The following RBFOX3 variants were observed in gnomAD, a reference collection of about 807,000 sequenced individuals.
RBFOX3 encodes RNA binding fox-1 homolog 3, also known as RNA binding protein fox-1 homolog 3.
A neutral mutation model predicts 48.7 loss-of-function variants in RBFOX3; 17 were observed. That is an observed-to-expected ratio of 0.35 (90% CI 0.24 to 0.52). The LOEUF (loss-of-function observed/expected upper bound fraction) is 0.52. Among genes scored for constraint, RBFOX3 ranks in the 20% least tolerant of loss-of-function variants. The pLI is 0.94. For synonymous variants in RBFOX3, 212 were observed against 209.5 expected (o/e 1.01, Z -0.10); for missense variants, 382 against 497.5 (o/e 0.77, Z 2.21).
At chr17:79,483,370 C>G (rs369078107) in intron 1 of RBFOX3, among the ~76,000 whole-genome samples, 1 of 151,570 alleles carries the variant, frequency 6.6e-6, no homozygotes, top group Non-Finnish European at 1.5e-5. Flanking sequence ...CATGCCTCCC[C>G]GACCCCACCC....
intron 1 of RBFOX3, among the ~76,000 whole-genome samples, chr17:79,602,232 C>T (rs1010130548): frequency 2.6e-5 from 4 of 152,254 alleles, no homozygotes; most frequent in Non-Finnish European, 5.9e-5. Context: ...CCCTCCCGCC[C>T]TTTGGCCATC....
chr17:79,342,120 G>A (rs934455942), intron 2 of RBFOX3, among the ~76,000 whole-genome samples: 3 of 152,196 alleles, frequency 2.0e-5, no homozygotes, highest in Admixed American at 6.5e-5. Flanking sequence ...GGTGCAGCTC[G>A]TGTTTAGGGC....
rs1456815875 is a variant in RBFOX3, at chr17:79,097,401, T to C, written c.646A>G (p.Thr216Ala). ...YAVTGFPYPT[T>A]GTAVAYRGAH... The stretch of plus-strand genomic sequence containing the variant: ...CCCCGGTAGGCAACGGCTGTGCCGG[T>C]GGTGGGGTAGGGGAACCCCGTCACT... The change falls in exon 11 of 15, where the codon ACC becomes GCC. Residue 216 changes from threonine to alanine, a missense_variant. By Grantham distance (58) the Thr-to-Ala change is moderately conservative. Coordinates refer to ENST00000693108, the MANE Select transcript of RBFOX3 (RefSeq NM_001350451.2). 19 of 1,546,628 alleles carry C rather than the reference T, an allele frequency of 1.2e-5. No individual in the cohort carries two copies. Among genetic ancestry groups the C allele is most frequent in the Non-Finnish European group, 1.7e-5 (19 of 1,145,462 alleles).
intron 2 of RBFOX3, among the ~76,000 whole-genome samples, chr17:79,466,852 C>A (rs1241572707): frequency 6.6e-6 from 1 of 152,044 alleles, no homozygotes; most frequent in African/African-American, 2.4e-5. Context: ...GGTCTCCCCA[C>A]CTAGGGCAGC....
At chr17:79,185,441 C>T (rs559400652) in intron 4 of RBFOX3, among the ~76,000 whole-genome samples, 163 of 152,294 alleles carry the variant, frequency 1.1e-3, no homozygotes, top group African/African-American at 3.8e-3. Context: ...ACCTGAGCCT[C>T]GCAGAAGGGC....
At chr17:79,580,503 G>T (rs929492680) in intron 1 of RBFOX3, among the ~76,000 whole-genome samples, 2 of 152,122 alleles carry the variant, frequency 1.3e-5, no homozygotes, top group Non-Finnish European at 2.9e-5. Context: ...ATAGACGACT[G>T]TTCAGCGGTG....
chr17:79,192,527 G>T (rs748828827), intron 4 of RBFOX3, among the ~76,000 whole-genome samples: 2 of 152,190 alleles, frequency 1.3e-5, no homozygotes, highest in Admixed American at 6.5e-5. Flanking sequence ...ATTTCTTATT[G>T]CTGCTGCTGC....
At chr17:79,469,543 C>T (rs2076798721) in intron 2 of RBFOX3, among the ~76,000 whole-genome samples, 1 of 152,208 alleles carries the variant, frequency 6.6e-6, no homozygotes. Flanking sequence ...CAGCTGACCA[C>T]CTGCTCGCAC....
Position 79,404,014 on chromosome 17 carries a change from G to T in RBFOX3, c.-175+78440C>A, listed in dbSNP as rs116524318. ...AGGATGGTCTTGATCTCCTGACCTC[G>T]TGATGCACCCATCTTGGCCTCCCAA... On this transcript the variant is annotated intron_variant, in intron 2 of 14. Coordinates refer to ENST00000693108, the MANE Select transcript of RBFOX3 (RefSeq NM_001350451.2). 6.2e-3 allele frequency among the ~76,000 whole-genome samples: 948 copies of T among 152,146 alleles called. 12 individuals carry two copies. The highest frequency in any genetic ancestry group is 0.022 in the African/African-American group (916 of 41,512).
At chr17:79,131,004 G>GTGTGTGAGCATGTGTGCCCCA (rs1315594902) in intron 4 of RBFOX3, among the ~76,000 whole-genome samples, 1 of 152,066 alleles carries the variant, frequency 6.6e-6, no homozygotes, top group Admixed American at 6.5e-5. Context: ...TGTGTGCCCC[G>GTGTGTGAGCATGTGTGCCCCA]TGTGTGAGCA....
chr17:79,173,083 G>C (rs1000818087), intron 4 of RBFOX3, among the ~76,000 whole-genome samples: 1 of 152,156 alleles, frequency 6.6e-6, no homozygotes, highest in Non-Finnish European at 1.5e-5. Flanking sequence ...GGTGGCGCAC[G>C]CCTGTAATCC....
intron 3 of RBFOX3, among the ~76,000 whole-genome samples, chr17:79,244,860 T>C (rs2062930226): frequency 6.7e-6 from 1 of 149,090 alleles, no homozygotes; most frequent in Non-Finnish European, 1.5e-5. Context: ...CTCCTTCCTT[T>C]CCTTTCCCTT....
chr17:79,659,214 A>G, the RBFOX3 span, among the ~76,000 whole-genome samples: 1 of 152,188 alleles, frequency 6.6e-6, no homozygotes, highest in Non-Finnish European at 1.5e-5. Flanking sequence ...ACCTCACTGC[A>G]AGGGAGACTG....
chr17:79,331,133 A>G (rs768339740), intron 2 of RBFOX3, among the ~76,000 whole-genome samples: 10 of 152,136 alleles, frequency 6.6e-5, no homozygotes, highest in Non-Finnish European at 2.9e-5. Context: ...GGCAAAAAGC[A>G]AAAGCTGTGT....
intron 4 of RBFOX3, among the ~76,000 whole-genome samples, chr17:79,120,080 G>A (rs945159221): frequency 1.3e-5 from 2 of 152,216 alleles, no homozygotes; most frequent in East Asian, 3.8e-4. Flanking sequence ...CTGGGGTTGG[G>A]TGGTGTGAGC....
chr17:79,418,352 G>C lies in RBFOX3; in HGVS notation c.-175+64102C>G, dbSNP rs555566320. On this transcript the variant is annotated intron_variant, in intron 2 of 14. Transcript: ENST00000693108. This position sits in a 1 kb window ranked among gnomAD's most constrained non-coding sequence, Gnocchi z 5.0. ...TGCACACACGTTTCCCACACTAAAA[G>C]TTGGCCACGTTCTTCCTACAGCAAA... is the stretch of plus-strand genomic sequence containing the variant. Among the ~76,000 whole-genome samples the C allele has an allele frequency of 6.6e-6, 1 of 152,096 alleles. No individual in the cohort carries two copies. The highest frequency in any genetic ancestry group is 6.5e-5 in the Admixed American group (1 of 15,268).
chr17:79,219,454 C>T (rs555940225), intron 4 of RBFOX3, among the ~76,000 whole-genome samples: 40 of 152,330 alleles, frequency 2.6e-4, no homozygotes, highest in Admixed American at 7.8e-4. Flanking sequence ...TAAACCTTTC[C>T]TTCTTCTCCC....
chr17:79,209,020 C>T (rs566676369), intron 4 of RBFOX3, among the ~76,000 whole-genome samples: 36 of 152,214 alleles, frequency 2.4e-4, no homozygotes, highest in African/African-American at 7.9e-4. Flanking sequence ...AGGGTTTCAC[C>T]GTGTTAGCCA....
At chr17:79,524,931 T>C (rs2150027635) in intron 1 of RBFOX3, among the ~76,000 whole-genome samples, 1 of 152,332 alleles carries the variant, frequency 6.6e-6, no homozygotes, top group African/African-American at 2.4e-5. Flanking sequence ...TGTTTGGTTC[T>C]GTCCCACCGA....
Sources: allele counts gnomAD v4.1 joint callset (sites outside exome capture counted in the v4.1 genomes callset), GRCh38; gene constraint gnomAD v4.1.1; non-coding constraint Gnocchi (gnomAD v3.1); transcripts MANE v1.5; gene names NCBI Gene and HGNC (gene_info 2026-07-23, HGNC 2026-07-21).